SHQ1: variants seen among roughly 807,000 people sequenced by gnomAD.
SHQ1 encodes the protein SHQ1, H/ACA ribonucleoprotein assembly factor.
SHQ1 carries 49 observed loss-of-function variants against 53.8 expected under a neutral mutation model. That is an observed-to-expected ratio of 0.91 (90% CI 0.72 to 1.16). The LOEUF is 1.16. Among genes scored for constraint, SHQ1 ranks in the 50% most tolerant of loss-of-function variants. SHQ1 has a pLI of 0.00. For synonymous variants in SHQ1, 243 were observed against 251.0 expected (o/e 0.97, Z 0.30); for missense variants, 738 against 683.1 (o/e 1.08, Z -0.90).
the SHQ1 span, among the ~76,000 whole-genome samples, chr3:72,739,985 C>T: frequency 6.6e-6 from 1 of 152,130 alleles, no homozygotes; most frequent in South Asian, 2.1e-4. Flanking sequence ...GGGTGGATCT[C>T]GAGATGAAGG....
chr3:72,844,022 C>A (rs1708255213), intron 2 of SHQ1, among the ~76,000 whole-genome samples: 1 of 152,234 alleles, frequency 6.6e-6, no homozygotes, highest in Admixed American at 6.5e-5. Flanking sequence ...AGATTCCATT[C>A]ATAAGCTCAT....
chr3:72,841,434 A>T (rs1044571193), intron 3 of SHQ1, among the ~76,000 whole-genome samples: 1 of 152,232 alleles, frequency 6.6e-6, no homozygotes, highest in Non-Finnish European at 1.5e-5. Flanking sequence ...AATCTCAGCT[A>T]GAATATGAAT....
rs542259653 is a variant in SHQ1 at position 72,812,181 on chromosome 3, A to G, written c.1060+490T>C. Among the ~76,000 whole-genome samples the G allele has an allele frequency of 1.4e-3, 209 of 152,322 alleles. 2 individuals are homozygous for G. The highest frequency in any genetic ancestry group is 4.6e-3 in the African/African-American group (192 of 41,568). Reference sequence around the variant, plus strand: ...TTGGAAAATCTTTCTTGACATGCCGAATCTAGGTTACATGTCCCCTCCTAA... The same window carrying G: ...TTGGAAAATCTTTCTTGACATGCCGGATCTAGGTTACATGTCCCCTCCTAA... On this transcript the variant is annotated intron_variant, in intron 9 of 10. Transcript: ENST00000325599.
In SHQ1 at chr3:72,799,053, G is replaced by A. The variant is rs55692034; in HGVS notation, c.1061-6017C>T. On this transcript the variant is annotated intron_variant, in intron 9 of 10. Transcript: ENST00000325599. ...ATAAGTAAAGGGACCAGGCCTGGTG[G>A]CTCACACCTATAATCCCAACACTAT... Among the ~76,000 whole-genome samples, 778 of 152,030 alleles carry A rather than the reference G, an allele frequency of 5.1e-3. 10 individuals are homozygous for A. Among genetic ancestry groups the A allele is most frequent in the African/African-American group, 0.018 (749 of 41,456 alleles).
intron 10 of SHQ1, chr3:72,753,370 T>C: frequency 2.0e-6 from 2 of 985,390 alleles, no homozygotes; most frequent in Non-Finnish European, 2.4e-6. Flanking sequence ...CAATGGGAAA[T>C]ACCGAACAAA....
intron 4 of SHQ1, among the ~76,000 whole-genome samples, chr3:72,835,570 G>C (rs774553535): frequency 6.6e-6 from 1 of 152,166 alleles, no homozygotes; most frequent in Non-Finnish European, 1.5e-5. Context: ...ACATTTCAGA[G>C]GGTAAATGGA....
intron 6 of SHQ1, among the ~76,000 whole-genome samples, chr3:72,819,774 G>T (rs1478674688): frequency 1.3e-5 from 2 of 152,184 alleles, no homozygotes; most frequent in Non-Finnish European, 2.9e-5. Flanking sequence ...CAGATAAACT[G>T]AGTGTTGACT....
intron 9 of SHQ1, among the ~76,000 whole-genome samples, chr3:72,796,200 G>A (rs1706615981): frequency 6.6e-6 from 1 of 151,890 alleles, no homozygotes; most frequent in South Asian, 2.1e-4. Flanking sequence ...GGAAAAAAAG[G>A]AGAATAAGCA....
chr3:72,760,226 A>G (rs1287543511), intron 10 of SHQ1, among the ~76,000 whole-genome samples: 1 of 152,248 alleles, frequency 6.6e-6, no homozygotes, highest in Non-Finnish European at 1.5e-5. Context: ...AATGATCAAC[A>G]GTAAGTCAAA....
At chr3:72,768,513 A>T (rs988940807) in intron 10 of SHQ1, among the ~76,000 whole-genome samples, 1 of 152,214 alleles carries the variant, frequency 6.6e-6, no homozygotes, top group Non-Finnish European at 1.5e-5. Context: ...AAACACACAG[A>T]GCGCAGAGCT....
At chr3:72,735,457 C>T in the SHQ1 span, among the ~76,000 whole-genome samples, 2 of 136,894 alleles carry the variant, frequency 1.5e-5, no homozygotes, top group African/African-American at 2.7e-5. Context: ...CTTGGAGGAG[C>T]TCCAAGGGCT....
intron 10 of SHQ1, among the ~76,000 whole-genome samples, chr3:72,789,661 A>C (rs1199900922): frequency 2.6e-5 from 4 of 152,232 alleles, no homozygotes; most frequent in African/African-American, 9.7e-5. Flanking sequence ...AATTTGAGTA[A>C]AACTGATTGT....
chr3:72,776,489 A>G (rs1705960310), intron 10 of SHQ1, among the ~76,000 whole-genome samples: 1 of 152,230 alleles, frequency 6.6e-6, no homozygotes, highest in Non-Finnish European at 1.5e-5. Context: ...TGATGCTCAC[A>G]CAACAAAACT....
chr3:72,824,219 A>G (rs1321842402), intron 6 of SHQ1, among the ~76,000 whole-genome samples: 1 of 152,210 alleles, frequency 6.6e-6, no homozygotes, highest in African/African-American at 2.4e-5. Flanking sequence ...ACTTCAAAAG[A>G]ATTTTCCAAC....
Position 72,750,369 on chromosome 3 carries a change from A to G in SHQ1, c.1649T>C (p.Val550Ala). ...EELGEQLKTT[V>A]QVSEPKGTTA... ...GGTGCCCTTGGGTTCAGAAACCTGA[A>G]CTGTAGTCTTCAGTTGTTCCCCAAG... The change falls in exon 11 of 11, where the codon GTT becomes GCT. Residue 550 changes from valine (V) to alanine (A), a missense_variant. By Grantham distance (64) the Val-to-Ala change is moderately conservative. Coordinates refer to ENST00000325599, the MANE Select transcript of SHQ1 (RefSeq NM_018130.3). 2.5e-6 allele frequency: 4 copies of G among 1,614,120 alleles called. No individual in the cohort carries two copies. Among genetic ancestry groups the G allele is most frequent in the Non-Finnish European group, 3.4e-6 (4 of 1,180,022 alleles).
At chr3:72,836,586 G>A (rs1297834183) in intron 4 of SHQ1, among the ~76,000 whole-genome samples, 1 of 152,134 alleles carries the variant, frequency 6.6e-6, no homozygotes, top group Non-Finnish European at 1.5e-5. Context: ...GTACACAGCA[G>A]AACATGAGTG....
downstream of SHQ1, among the ~76,000 whole-genome samples, chr3:72,744,746 G>GAT (rs1435741280): frequency 1.8e-4 from 28 of 152,288 alleles, no homozygotes; most frequent in African/African-American, 6.7e-4. Context: ...GAGAAAAGCA[G>GAT]CAGATCACAA....
the SHQ1 span, among the ~76,000 whole-genome samples, chr3:72,727,256 C>A: frequency 6.6e-6 from 1 of 152,158 alleles, no homozygotes; most frequent in Non-Finnish European, 1.5e-5. Context: ...CCACCCGTCA[C>A]CCCCAATCAG....
At chr3:72,832,576 C>T (rs1707857450) in intron 4 of SHQ1, 95 bp from the exon 5 acceptor site, 1 of 781,210 alleles carries the variant, frequency 1.3e-6, no homozygotes, top group East Asian at 2.5e-5. Flanking sequence ...ACAGGAAGAA[C>T]CTAACTGATC....
Sources: allele counts gnomAD v4.1 joint callset (sites outside exome capture counted in the v4.1 genomes callset), GRCh38; gene constraint gnomAD v4.1.1; transcripts MANE v1.5; gene names NCBI Gene and HGNC (gene_info 2026-07-23, HGNC 2026-07-21).